The following SGCD variants were observed in gnomAD, a reference collection of about 807,000 sequenced individuals.
SGCD encodes the protein sarcoglycan delta.
SGCD carries 18 observed loss-of-function variants against 36.6 expected under a neutral mutation model. That is an observed-to-expected ratio of 0.49 (90% CI 0.34 to 0.73). SGCD has a LOEUF of 0.73. Among genes scored for constraint, SGCD ranks in the 30% least tolerant of loss-of-function variants. SGCD has a pLI of 0.01. For synonymous variants in SGCD, 133 were observed against 130.6 expected, an observed-to-expected ratio of 1.02 and a Z score of -0.12; for missense variants, 387 against 346.7, an observed-to-expected ratio of 1.12 and a Z score of -0.92.
chr5:156,439,750 A>G (rs1287285909), intron 3 of SGCD, among the ~76,000 whole-genome samples: 1 of 152,158 alleles, frequency 6.6e-6, no homozygotes, highest in Non-Finnish European at 1.5e-5. Context: ...AATGCATAGG[A>G]ACATTTTGAT....
intron 6 of SGCD, among the ~76,000 whole-genome samples, chr5:156,622,107 T>C (rs1419281140): frequency 1.3e-5 from 2 of 152,126 alleles, no homozygotes; most frequent in African/African-American, 4.8e-5. Flanking sequence ...CAAGTACATT[T>C]TTTGTATAAA....
intron 3 of SGCD, among the ~76,000 whole-genome samples, chr5:156,373,818 G>A (rs1288711102): frequency 2.6e-5 from 4 of 152,178 alleles, no homozygotes; most frequent in African/African-American, 9.7e-5. Context: ...TGACATAGTG[G>A]CATGGATAAT....
chr5:155,956,780 T>A (rs1757661264), intron 1 of SGCD, among the ~76,000 whole-genome samples: 1 of 147,134 alleles, frequency 6.8e-6, no homozygotes, highest in African/African-American at 2.5e-5. Flanking sequence ...TATAAGGACC[T>A]TTTTGTTGGA....
In SGCD at chr5:156,241,924, T is replaced by G. The variant is rs181147438; in HGVS notation, c.-43-87610T>G. ...TATCCATGCTTGGGGTTGGGAGAGA[T>G]GGGCTAAATGGAGCATAGTGGCCCA... On this transcript the variant is annotated intron_variant, in intron 3 of 9. Coordinates refer to the SGCD transcript ENST00000517913. Among the ~76,000 whole-genome samples the G allele has an allele frequency of 3.2e-4, 48 of 152,218 alleles. No individual in the cohort carries two copies. In the East Asian group the frequency reaches 8.9e-3, roughly 28 times the overall value.
chr5:156,342,425 T>A (rs1045896527), intron 2 of SGCD, among the ~76,000 whole-genome samples: 4 of 152,250 alleles, frequency 2.6e-5, no homozygotes, highest in Admixed American at 2.6e-4. Context: ...TTTGGCTCAT[T>A]CACAATTAGT....
intron 7 of SGCD, among the ~76,000 whole-genome samples, chr5:156,753,289 G>A (rs956348489): frequency 3.9e-5 from 6 of 152,176 alleles, no homozygotes; most frequent in South Asian, 2.1e-4. Flanking sequence ...TCTCTTCAGT[G>A]AGGCTCTTCT....
chr5:155,875,162 C>T (rs568914823), intron 1 of SGCD, among the ~76,000 whole-genome samples: 10 of 152,118 alleles, frequency 6.6e-5, no homozygotes, highest in Non-Finnish European at 1.3e-4. Flanking sequence ...AAAGTAAATA[C>T]GTATTGTATA....
chr5:155,824,409 ATTG>A, the SGCD span, among the ~76,000 whole-genome samples: 2 of 152,200 alleles, frequency 1.3e-5, no homozygotes, highest in Admixed American at 6.5e-5. Context: ...TATTGTCATT[ATTG>A]TAACAGATAA....
At chr5:156,162,398 T>G (rs912287958) in intron 3 of SGCD, among the ~76,000 whole-genome samples, 1 of 151,400 alleles carries the variant, frequency 6.6e-6, no homozygotes, top group Non-Finnish European at 1.5e-5. Context: ...AGACCCCTTT[T>G]GAGGTGTGTG....
At chr5:155,962,416 A>G (rs138236202) in intron 1 of SGCD, among the ~76,000 whole-genome samples, 5 of 152,136 alleles carry the variant, frequency 3.3e-5, no homozygotes, top group East Asian at 1.9e-4. Flanking sequence ...CTGCCCATCC[A>G]CTAACCTAGG....
At chr5:156,550,825 A>G (rs1758763332) in intron 4 of SGCD, among the ~76,000 whole-genome samples, 1 of 152,234 alleles carries the variant, frequency 6.6e-6, no homozygotes, top group Non-Finnish European at 1.5e-5. Flanking sequence ...AATTTGGGAC[A>G]TAATGCTTTT....
chr5:155,865,220 A>C, the SGCD span, among the ~76,000 whole-genome samples: 1 of 152,178 alleles, frequency 6.6e-6, no homozygotes, highest in East Asian at 1.9e-4. Flanking sequence ...AACCCATAAC[A>C]TAAAATATAT....
rs532677518 is a variant in SGCD at position 156,151,828 on chromosome 5, T to C, written c.-44+27809T>C. Among the ~76,000 whole-genome samples, 49 of 69,728 alleles carry C rather than the reference T, an allele frequency of 7.0e-4. 1 individual carries two copies. The highest frequency in any genetic ancestry group is 4.7e-3 in the African/African-American group (45 of 9,612). 45.7% of individuals were successfully genotyped at this position (69,728 alleles called of 152,430 possible). A position where few individuals can be genotyped will look rare whatever the true frequency, so the allele number is the denominator to read the frequency against. On this transcript the variant is annotated intron_variant, in intron 3 of 9. Transcript: ENST00000517913. ...TCTACATGTTTACATCATTTCTTCT[T>C]CTTCTTTTTTTTTTGGTCTGGAAAG...
intron 1 of SGCD, among the ~76,000 whole-genome samples, chr5:156,094,041 C>T (rs757956670): frequency 1.5e-4 from 23 of 152,162 alleles, no homozygotes; most frequent in Non-Finnish European, 2.2e-4. Flanking sequence ...CTACTGGGTC[C>T]TGGAGAGGGA....
chr5:156,700,521 A>G (rs972788505), intron 7 of SGCD, among the ~76,000 whole-genome samples: 10 of 152,188 alleles, frequency 6.6e-5, no homozygotes, highest in African/African-American at 2.4e-4. Context: ...CAACTCCTGC[A>G]ATGAATCTCA....
intron 7 of SGCD, among the ~76,000 whole-genome samples, chr5:156,745,864 C>A (rs1756917698): frequency 6.6e-6 from 1 of 151,470 alleles, no homozygotes; most frequent in Non-Finnish European, 1.5e-5. Context: ...ACCTCAAAAG[C>A]AGAGAGACAG....
chr5:156,434,885 G>A (rs1753179271), intron 3 of SGCD, among the ~76,000 whole-genome samples: 1 of 152,148 alleles, frequency 6.6e-6, no homozygotes, highest in South Asian at 2.1e-4. Context: ...GGAGAAAATT[G>A]GCTCAGTCAT....
chr5:155,962,630 C>T (rs908884786), intron 1 of SGCD, among the ~76,000 whole-genome samples: 5 of 152,080 alleles, frequency 3.3e-5, no homozygotes, highest in African/African-American at 9.7e-5. Flanking sequence ...AAGAAAAGGT[C>T]CTGTATCATC....
intron 1 of SGCD, among the ~76,000 whole-genome samples, chr5:155,991,232 G>A (rs754876544): frequency 6.6e-6 from 1 of 152,180 alleles, no homozygotes; most frequent in African/African-American, 2.4e-5. Context: ...CCATACAAGT[G>A]CCATTTCATG....
Sources: allele counts gnomAD v4.1 joint callset (sites outside exome capture counted in the v4.1 genomes callset), GRCh38; gene constraint gnomAD v4.1.1; transcripts MANE v1.5; gene names NCBI Gene and HGNC (gene_info 2026-07-23, HGNC 2026-07-21).